The following LINGO2 variants were observed in gnomAD, a reference collection of about 807,000 sequenced individuals.
LINGO2 encodes the protein leucine rich repeat and Ig domain containing 2, also known as leucine-rich repeat and immunoglobulin-like domain-containing nogo receptor-interacting protein 2.
Under a neutral mutation model 30.6 loss-of-function variants are expected in LINGO2, and 14 were observed. The observed-to-expected ratio is 0.46, with a 90% CI of 0.30 to 0.72. The LOEUF (loss-of-function observed/expected upper bound fraction) is 0.72, where lower values mean the gene tolerates loss of function less well. LINGO2 is among the 30% of genes least tolerant of loss of function. The pLI, the probability that LINGO2 is intolerant of heterozygous loss-of-function variation, is 0.07. For synonymous variants in LINGO2, 317 were observed against 288.5 expected, an observed-to-expected ratio of 1.10 and a Z score of -1.00; for missense variants, 729 against 751.7, an observed-to-expected ratio of 0.97 and a Z score of 0.35.
intron 1 of LINGO2, among the ~76,000 whole-genome samples, chr9:28,610,140 T>A (rs893348630): frequency 3.9e-5 from 6 of 152,192 alleles, no homozygotes; most frequent in Admixed American, 3.3e-4. Context: ...GTTTGAATTT[T>A]TTTAAAACAA....
intron 4 of LINGO2, among the ~76,000 whole-genome samples, chr9:28,279,180 T>A (rs1438138938): frequency 6.6e-6 from 1 of 152,192 alleles, no homozygotes; most frequent in Non-Finnish European, 1.5e-5. Context: ...GCAAAGAAAA[T>A]GGTTTCTTGA....
chr9:29,002,014 A>G, the LINGO2 span, among the ~76,000 whole-genome samples: 1 of 151,998 alleles, frequency 6.6e-6, no homozygotes, highest in Non-Finnish European at 1.5e-5. Flanking sequence ...TTGTCTTGGT[A>G]TAACTTCTGT....
At chr9:28,933,148 CTG>C in the LINGO2 span, among the ~76,000 whole-genome samples, 2 of 152,044 alleles carry the variant, frequency 1.3e-5, no homozygotes, top group African/African-American at 4.8e-5. Flanking sequence ...CTTATGTGAT[CTG>C]CCCACCTCAG....
At chr9:28,975,412 T>C in the LINGO2 span, among the ~76,000 whole-genome samples, 7 of 152,178 alleles carry the variant, frequency 4.6e-5, 1 homozygote, top group Admixed American at 4.6e-4. Flanking sequence ...CCAGAATGAC[T>C]GTGGCGTAAC....
the LINGO2 span, among the ~76,000 whole-genome samples, chr9:28,854,018 A>G: frequency 6.6e-6 from 1 of 152,162 alleles, no homozygotes; most frequent in Non-Finnish European, 1.5e-5. Flanking sequence ...ATTGCTGTCA[A>G]TTAAAATTCT....
At chr9:28,634,485 C>CTTTTTTTTTTTTT (rs755583837) in intron 1 of LINGO2, among the ~76,000 whole-genome samples, 18 of 124,652 alleles carry the variant, frequency 1.4e-4, no homozygotes, top group African/African-American at 2.2e-4. Flanking sequence ...TTCTTTTTTT[C>CTTTTTTTTTTTTT]TTTTTTTTTT....
Position 27,955,659 on chromosome 9 carries a change from G to A in LINGO2, c.-35-4953C>T, listed in dbSNP as rs772419014. Among the ~76,000 whole-genome samples, 3 of 130,622 alleles carry A rather than the reference G, an allele frequency of 2.3e-5. No individual in the cohort carries two copies. The Admixed American group carries it at 2.4e-4, about 10-fold the overall frequency. The allele number at this position is 130,622 out of a possible 152,430, so 85.7% of individuals were successfully genotyped here. A position where few individuals can be genotyped will look rare whatever the true frequency, so the allele number is the denominator to read the frequency against. On this transcript the variant is annotated intron_variant, in intron 5 of 5. Transcript: ENST00000379992. ...GTTTGTTCTTTTTTTATGTCTGGTA[G>A]TATTGTTTTGTCACAACTTGCTATT...
intron 1 of LINGO2, among the ~76,000 whole-genome samples, chr9:28,476,516 C>T (rs1280201059): frequency 2.0e-5 from 3 of 152,062 alleles, no homozygotes; most frequent in African/African-American, 4.8e-5. Context: ...ACCTCGTGAT[C>T]CTCCCGCCGC....
At chr9:29,059,202 T>A in the LINGO2 span, among the ~76,000 whole-genome samples, 1 of 151,792 alleles carries the variant, frequency 6.6e-6, no homozygotes, top group African/African-American at 2.4e-5. Context: ...TATCTCAATT[T>A]TCCCCACCCA....
At chr9:28,342,166 A>C (rs1310484211) in intron 3 of LINGO2, among the ~76,000 whole-genome samples, 2 of 152,132 alleles carry the variant, frequency 1.3e-5, no homozygotes, top group East Asian at 3.9e-4. Context: ...TGCAAAGCAA[A>C]ATCTGCCACA....
intron 1 of LINGO2, among the ~76,000 whole-genome samples, chr9:28,613,358 ATAG>A (rs1323696289): frequency 2.6e-5 from 4 of 152,180 alleles, no homozygotes; most frequent in South Asian, 4.2e-4. Flanking sequence ...ATCTACACAA[ATAG>A]TAGAATATGT....
chr9:28,397,355 G>GTA (rs3069833), intron 2 of LINGO2, among the ~76,000 whole-genome samples: 58,787 of 128,828 alleles, frequency 0.46, 12,419 homozygotes, highest in Middle Eastern at 0.58. Context: ...ATGTTTTGAA[G>GTA]TATATATATA....
chr9:28,970,668 C>T, the LINGO2 span, among the ~76,000 whole-genome samples: 1 of 152,144 alleles, frequency 6.6e-6, no homozygotes, highest in African/African-American at 2.4e-5. Flanking sequence ...CATCCACCCA[C>T]AGACCGGAAC....
chr9:28,049,957 C>A lies in LINGO2; in HGVS notation c.-86-37552G>T, dbSNP rs748888138. Among the ~76,000 whole-genome samples the A allele has an allele frequency of 1.1e-4, 16 of 150,674 alleles. 2 individuals carry two copies. The highest frequency in any genetic ancestry group is 5.9e-5 in the Non-Finnish European group (4 of 67,880). On this transcript the variant is annotated intron_variant, in intron 4 of 5. Coordinates refer to ENST00000379992, the Ensembl canonical transcript of LINGO2. ...GTCTTGAAGCTGGATTTGATGGGGC[C>A]AAGCCTGGCAGCAAGGTCAGTTTGT... is the stretch of plus-strand genomic sequence containing the variant.
At chr9:28,422,353 G>C (rs1823229578) in intron 2 of LINGO2, among the ~76,000 whole-genome samples, 1 of 151,966 alleles carries the variant, frequency 6.6e-6, no homozygotes, top group South Asian at 2.1e-4. Context: ...GAAAGAATGG[G>C]TAAAGGACTT....
intron 4 of LINGO2, among the ~76,000 whole-genome samples, chr9:28,256,389 G>A (rs1219891988): frequency 1.3e-5 from 2 of 151,808 alleles, no homozygotes; most frequent in East Asian, 1.9e-4. Context: ...GGACAAATAT[G>A]TCCTTCATGC....
chr9:28,172,390 CAAA>C (rs11421802), intron 4 of LINGO2, among the ~76,000 whole-genome samples: 1 of 119,224 alleles, frequency 8.4e-6, no homozygotes, highest in Non-Finnish European at 1.8e-5. Context: ...GACTCCGTCT[CAAA>C]AAAAAAAAAA....
chr9:28,205,216 G>A (rs1171515142), intron 4 of LINGO2, among the ~76,000 whole-genome samples: 1 of 152,140 alleles, frequency 6.6e-6, no homozygotes, highest in Non-Finnish European at 1.5e-5. Flanking sequence ...AATAGCATAT[G>A]ATATAACCTG....
intron 1 of LINGO2, among the ~76,000 whole-genome samples, chr9:28,598,503 C>G (rs775022622): frequency 1.3e-5 from 2 of 151,304 alleles, no homozygotes; most frequent in Non-Finnish European, 2.9e-5. Context: ...GATTTCCAGA[C>G]TCCAGGGAAA....
Sources: gnomAD v4.1 joint callset for allele counts (sites outside exome capture counted in the v4.1 genomes callset) on GRCh38, gnomAD v4.1.1 for gene constraint, MANE v1.5 for transcripts, NCBI Gene and HGNC (gene_info 2026-07-23, HGNC 2026-07-21) for gene names.